CEP170: variants seen among roughly 807,000 people sequenced by gnomAD.
CEP170 encodes the protein centrosomal protein 170, also known as centrosomal protein of 170 kDa.
Under a neutral mutation model 151.9 loss-of-function variants are expected in CEP170, and 21 were observed. The observed-to-expected ratio is 0.14, with a 90% confidence interval of 0.10 to 0.20. CEP170 has a LOEUF of 0.20. CEP170 is among the 10% of genes least tolerant of loss of function. The probability of loss-of-function intolerance (pLI) is 1.00; values close to 1 mark genes in which losing one functional copy is unlikely to be tolerated. For missense variants in CEP170, 964 were observed against 1,892.9 expected (o/e 0.51, Z 9.11); for synonymous variants, 356 against 648.8 (o/e 0.55, Z 6.86).
chr1:243,141,438 C>T (rs1300434942), intron 15 of CEP170, among the ~76,000 whole-genome samples: 2 of 152,116 alleles, frequency 1.3e-5, no homozygotes, highest in South Asian at 2.1e-4. Flanking sequence ...TTTCATGTTG[C>T]GAATTAGTAT....
Position 243,211,902 on chromosome 1 carries a change from C to T in CEP170, c.258G>A (p.Lys86=), listed in dbSNP as rs2061841060. ...QTYITLKLED[K]LRFGYDTNLF... is the part of the protein sequence containing the mutation. ...TAAGGATATCATATCCAAATCTCAGCTTATCTTCAAGTTTCAAGGTGATAT... is the reference window on the plus strand; with the variant it reads ...TAAGGATATCATATCCAAATCTCAGTTTATCTTCAAGTTTCAAGGTGATAT... The change falls in exon 4 of 20, where the codon AAG becomes AAA. Residue 86 remains lysine (K), a synonymous_variant. Transcript: ENST00000366542. The T allele has an allele frequency of 6.3e-7, 1 of 1,596,764 alleles. No individual in the cohort carries two copies. The highest frequency in any genetic ancestry group is 8.5e-7 in the Non-Finnish European group (1 of 1,172,500).
In CEP170 at chr1:243,200,416, A is replaced by G. The variant is rs1465269200; in HGVS notation, c.496+102T>C. On this transcript the variant is annotated intron_variant, in intron 6 of 19. Coordinates refer to ENST00000366542, the MANE Select transcript of CEP170 (RefSeq NM_014812.3). Reference sequence around the variant, plus strand: ...AACACACTCTGAAATTATCACTATTATAAATTATTTTTATATGGACATAGC... The same window carrying G: ...AACACACTCTGAAATTATCACTATTGTAAATTATTTTTATATGGACATAGC... 96 of 1,371,938 alleles carry G rather than the reference A, an allele frequency of 7.0e-5. 1 individual carries two copies. The highest frequency in any genetic ancestry group is 9.1e-5 in the Non-Finnish European group (90 of 993,142). The allele number at this position is 1,371,938 out of a possible 1,614,324, so 85.0% of individuals were successfully genotyped here. A position where few individuals can be genotyped will look rare whatever the true frequency, so the allele number is the denominator to read the frequency against.
In CEP170 at chr1:243,124,479, AATAAC is replaced by A. The variant is rs2053557888; in HGVS notation, c.*1965_*1969del. 6.6e-6 allele frequency: 1 copy of A among 152,652 alleles called. No individual in the cohort carries two copies. The highest frequency in any genetic ancestry group is 1.5e-5 in the Non-Finnish European group (1 of 68,022). 9.5% of individuals were successfully genotyped at this position (152,652 alleles called of 1,614,324 possible). ...AAATGGAGTTGTAAATGCATAACAA[AATAAC>A]ATAAGTAATAAATGTAACAAAAATA... On this transcript the variant is annotated 3_prime_UTR_variant, in exon 20 of 20. Coordinates refer to ENST00000366542, the MANE Select transcript of CEP170 (RefSeq NM_014812.3).
At position 243,126,282 on chromosome 1, in the gene CEP170, T is replaced by C. The variant is rs1456174147; in HGVS notation, c.*167A>G. On this transcript the variant is annotated 3_prime_UTR_variant, in exon 20 of 20. Transcript: ENST00000366542. ...TGGTTATCTAAATAGTTTGAAAGGA[T>C]TGATATACTACATTATACGTCAAAA... 13 of 787,902 alleles carry C rather than the reference T, an allele frequency of 1.6e-5. No homozygotes were observed. Among genetic ancestry groups the C allele is most frequent in the East Asian group, 1.6e-4 (6 of 37,178 alleles). 48.8% of individuals were successfully genotyped at this position (787,902 alleles called of 1,614,324 possible).
rs1038662877 is a variant in CEP170 at position 243,246,776 on chromosome 1, G to A, written c.-42+8264C>T. Among the ~76,000 whole-genome samples the A allele has an allele frequency of 2.0e-5, 3 of 152,156 alleles. No homozygotes were observed. The South Asian group carries it at 6.2e-4, about 32-fold the overall frequency. The stretch of plus-strand genomic sequence containing the variant: ...TTCTAAATTTTCTGCCATGTATTAG[G>A]ATTAGATTTGTAATATAAAAAATAA... On this transcript the variant is annotated intron_variant, in intron 1 of 19. Coordinates refer to ENST00000366542, the MANE Select transcript of CEP170 (RefSeq NM_014812.3).
chr1:243,202,599 T>G (rs1483304327), intron 4 of CEP170, among the ~76,000 whole-genome samples: 2 of 152,022 alleles, frequency 1.3e-5, no homozygotes, highest in African/African-American at 4.8e-5. Context: ...AGGGCATGAC[T>G]ACTGCAGATA....
intron 3 of CEP170, among the ~76,000 whole-genome samples, chr1:243,217,853 A>G (rs911406012): frequency 2.6e-5 from 4 of 152,180 alleles, no homozygotes; most frequent in Non-Finnish European, 4.4e-5. Context: ...AATCATCAAG[A>G]TCTTGGAGTC....
chr1:243,193,108 A>C (rs1343728128), intron 7 of CEP170, among the ~76,000 whole-genome samples: 1 of 152,142 alleles, frequency 6.6e-6, no homozygotes, highest in Non-Finnish European at 1.5e-5. Flanking sequence ...TGTTTGATTA[A>C]AGAGTTAATT....
At chr1:243,252,556 A>G (rs1338367004) in intron 1 of CEP170, among the ~76,000 whole-genome samples, 1 of 152,134 alleles carries the variant, frequency 6.6e-6, no homozygotes. Context: ...GAAGCACAGA[A>G]TTTTAAAAAG....
chr1:243,218,694 GT>G (rs1205903717), intron 3 of CEP170, among the ~76,000 whole-genome samples: 1 of 152,156 alleles, frequency 6.6e-6, no homozygotes, highest in African/African-American at 2.4e-5. Context: ...TGCTAAACTT[GT>G]CTTTGCTGCT....
At chr1:243,184,741 C>CCCT (rs2059832994) in intron 10 of CEP170, among the ~76,000 whole-genome samples, 1 of 151,806 alleles carries the variant, frequency 6.6e-6, no homozygotes, top group African/African-American at 2.4e-5. Flanking sequence ...TCTTATCTTG[C>CCCT]CCTCCTCCCT....
Position 243,201,666 on chromosome 1 carries a change from C to G in CEP170, c.275-831G>C, listed in dbSNP as rs1174861183. Among the ~76,000 whole-genome samples, 9 of 152,056 alleles carry G rather than the reference C, an allele frequency of 5.9e-5. 1 individual carries two copies. The highest frequency in any genetic ancestry group is 1.3e-4 in the Non-Finnish European group (9 of 68,002). ...TACTTGGGGGAAAAAGATGACTTCC[C>G]AAGCATAAGGGAAGTAGGAAACTTG... On this transcript the variant is annotated intron_variant, in intron 4 of 19. Transcript: ENST00000366542.
rs549081330 is a variant in CEP170 at position 243,156,505 on chromosome 1, G to C, written c.3677-50C>G. ...AAGAATTATTATGTTATCATTTAAA[G>C]GAGGTAAAATAAAAGTCATGACTTC... On this transcript the variant is annotated intron_variant, in intron 13 of 19. Transcript: ENST00000366542. 7.4e-6 allele frequency: 11 copies of C among 1,482,254 alleles called. No homozygotes were observed. In the African/African-American group the frequency reaches 1.1e-4, roughly 15 times the overall value. 91.8% of individuals were successfully genotyped at this position (1,482,254 alleles called of 1,614,324 possible). A position where few individuals can be genotyped will look rare whatever the true frequency, so the allele number is the denominator to read the frequency against.
intron 1 of CEP170, among the ~76,000 whole-genome samples, chr1:243,227,036 G>T (rs190020425): frequency 1.8e-4 from 28 of 152,276 alleles, no homozygotes; most frequent in Non-Finnish European, 3.2e-4. Context: ...ATGGGATTTT[G>T]TAACACCACG....
chr1:243,158,458 G>C (rs1361353440), intron 13 of CEP170, among the ~76,000 whole-genome samples: 1 of 152,152 alleles, frequency 6.6e-6, no homozygotes, highest in African/African-American at 2.4e-5. Flanking sequence ...ATAAAACTCA[G>C]ACAGTTAATT....
chr1:243,202,772 A>G (rs1652033608), intron 4 of CEP170, among the ~76,000 whole-genome samples: 1 of 152,164 alleles, frequency 6.6e-6, no homozygotes, highest in African/African-American at 2.4e-5. Context: ...AAACAGCTAG[A>G]GAAAATTCAT....
chr1:243,150,926 G>A (rs1477245748), intron 14 of CEP170, among the ~76,000 whole-genome samples: 4 of 152,060 alleles, frequency 2.6e-5, no homozygotes, highest in East Asian at 1.9e-4. Flanking sequence ...CCTTGTGGTC[G>A]AGTTGGGTTT....
At chr1:243,163,548 T>TTCAATTACACCTAATTACTAGAGTTAAA (rs2058226532) in intron 13 of CEP170, among the ~76,000 whole-genome samples, 1 of 152,232 alleles carries the variant, frequency 6.6e-6, no homozygotes, top group African/African-American at 2.4e-5. Flanking sequence ...AGTTATTATA[T>TTCAATTACACCTAATTACTAGAGTTAAA]TCAATTACAC....
intron 8 of CEP170, among the ~76,000 whole-genome samples, chr1:243,189,413 G>A (rs1449343230): frequency 1.3e-4 from 19 of 151,940 alleles, no homozygotes; most frequent in Non-Finnish European, 1.8e-4. Flanking sequence ...AAAATTAGCC[G>A]GGTGTGGTGG....
Sources: gnomAD v4.1 joint callset for allele counts (sites outside exome capture counted in the v4.1 genomes callset) on GRCh38, gnomAD v4.1.1 for gene constraint, MANE v1.5 for transcripts, NCBI Gene and HGNC (gene_info 2026-07-23, HGNC 2026-07-21) for gene names.